Variants in GPR55 observed in about 807,000 individuals in gnomAD.
GPR55 encodes the protein G-protein coupled receptor 55.
A neutral mutation model predicts 7.9 loss-of-function variants in GPR55; 6 were observed. The observed-to-expected ratio is 0.76, with a 90% CI of 0.41 to 1.49. The LOEUF (loss-of-function observed/expected upper bound fraction) is 1.49. Ranked by LOEUF, GPR55 falls within the 40% of genes most tolerant of loss-of-function variation. The probability of loss-of-function intolerance (pLI) is 0.01; values close to 1 mark genes in which losing one functional copy is unlikely to be tolerated. For synonymous variants in GPR55, 183 were observed against 166.8 expected (o/e 1.10, Z -0.75); for missense variants, 376 against 406.0 (o/e 0.93, Z 0.63).
intron 1 of GPR55, among the ~76,000 whole-genome samples, chr2:230,937,571 C>T (rs1691151113): frequency 6.6e-6 from 1 of 151,376 alleles, no homozygotes; most frequent in Non-Finnish European, 1.5e-5. Context: ...AATTGCCTTG[C>T]CGAGAGAGCT....
rs528182559 is a variant in GPR55 at position 230,925,241 on chromosome 2, C to A, written c.-208G>T. 1 of 152,844 alleles carries A rather than the reference C, an allele frequency of 6.5e-6. No individual in the cohort carries two copies. Among genetic ancestry groups the A allele is most frequent in the South Asian group, 2.1e-4 (1 of 4,826 alleles). The allele number at this position is 152,844 out of a possible 1,614,324, so 9.5% of individuals were successfully genotyped here. A position where few individuals can be genotyped will look rare whatever the true frequency, so the allele number is the denominator to read the frequency against. On this transcript the variant is annotated 5_prime_UTR_variant, in exon 1 of 2. Coordinates refer to ENST00000650999, the MANE Select transcript of GPR55 (RefSeq NM_005683.4). ...CTCCAGGCCTGGCTGTCAGCCTGTTCTGGGGAGAGTCACTTCCCCTCTCTG... is the reference window on the plus strand; with the variant it reads ...CTCCAGGCCTGGCTGTCAGCCTGTTATGGGGAGAGTCACTTCCCCTCTCTG...
chr2:230,932,122 G>A (rs1302714203), intron 1 of GPR55, among the ~76,000 whole-genome samples: 1 of 152,162 alleles, frequency 6.6e-6, no homozygotes, highest in Non-Finnish European at 1.5e-5. Context: ...AACCAGCCGC[G>A]GTCTGCACCC....
At chr2:230,948,575 C>T (rs1691353303) in intron 1 of GPR55, among the ~76,000 whole-genome samples, 1 of 152,216 alleles carries the variant, frequency 6.6e-6, no homozygotes, top group Admixed American at 6.5e-5. Flanking sequence ...ATGACATTGG[C>T]AGGCATGGTG....
intron 1 of GPR55, among the ~76,000 whole-genome samples, chr2:230,945,350 T>C (rs533051454): frequency 6.9e-6 from 1 of 144,532 alleles, no homozygotes; most frequent in South Asian, 2.2e-4. Flanking sequence ...ATTCCAATTA[T>C]TTGCTGTGCA....
At chr2:230,918,447 G>T (rs1246657380) in intron 1 of GPR55, among the ~76,000 whole-genome samples, 21 of 152,086 alleles carry the variant, frequency 1.4e-4, no homozygotes, top group Non-Finnish European at 1.5e-5. Flanking sequence ...AACCATAAAA[G>T]AAACAGAATA....
At chr2:230,911,298 C>T (rs1690586684) in intron 1 of GPR55, among the ~76,000 whole-genome samples, 1 of 152,232 alleles carries the variant, frequency 6.6e-6, no homozygotes, top group Non-Finnish European at 1.5e-5. Flanking sequence ...AGTAACAGCA[C>T]ATACCCAGAC....
upstream of GPR55, among the ~76,000 whole-genome samples, chr2:230,928,198 C>T (rs1277828544): frequency 6.6e-6 from 1 of 152,188 alleles, no homozygotes; most frequent in Admixed American, 6.5e-5. Flanking sequence ...GGAACACACG[C>T]TTGGCACAGG....
chr2:230,945,774 G>A (rs911899273), intron 1 of GPR55, among the ~76,000 whole-genome samples: 39 of 152,102 alleles, frequency 2.6e-4, no homozygotes, highest in Non-Finnish European at 2.1e-4. Flanking sequence ...GGGTTTCACC[G>A]TGTTAGCCAG....
intron 1 of GPR55, among the ~76,000 whole-genome samples, chr2:230,935,253 G>A (rs1691115270): frequency 1.3e-5 from 2 of 152,168 alleles, no homozygotes; most frequent in Admixed American, 1.3e-4. Flanking sequence ...GTTACACAGA[G>A]GCAGGCACGT....
intron 1 of GPR55, among the ~76,000 whole-genome samples, chr2:230,915,117 C>G (rs574484631): frequency 6.6e-6 from 1 of 152,370 alleles, no homozygotes; most frequent in Non-Finnish European, 1.5e-5. Context: ...AGTTCAGGCA[C>G]TGGCTAGGAG....
At chr2:230,940,446 C>T (rs1051856194) in intron 1 of GPR55, among the ~76,000 whole-genome samples, 1 of 152,180 alleles carries the variant, frequency 6.6e-6, no homozygotes, top group Admixed American at 6.5e-5. Flanking sequence ...GAAGGTGTCT[C>T]CAGAGCATGA....
intron 1 of GPR55, among the ~76,000 whole-genome samples, chr2:230,935,194 C>T (rs909606326): frequency 2.0e-5 from 3 of 152,078 alleles, no homozygotes; most frequent in Admixed American, 6.5e-5. Context: ...GACAAAGCGG[C>T]GGTGTTTTAG....
chr2:230,911,524 C>T (rs778086511), intron 1 of GPR55, among the ~76,000 whole-genome samples: 13 of 152,196 alleles, frequency 8.5e-5, no homozygotes, highest in Non-Finnish European at 1.8e-4. Context: ...TTGCATTCCC[C>T]TGGACACAGT....
chr2:230,915,434 A>G lies in GPR55; in HGVS notation c.-134-4338T>C, dbSNP rs541000705. Among the ~76,000 whole-genome samples the G allele has an allele frequency of 2.1e-4, 32 of 152,336 alleles. No homozygotes were observed. In the South Asian group the frequency reaches 6.4e-3, roughly 31 times the overall value. On this transcript the variant is annotated intron_variant, in intron 1 of 1. Transcript: ENST00000650999. ...GCCTCCTAGGGGACTGGAATGGGGC[A>G]GTCCCAGCCTCCTCCAGAAGGAAGT... is the stretch of plus-strand genomic sequence containing the variant.
intron 1 of GPR55, among the ~76,000 whole-genome samples, chr2:230,951,461 T>C (rs1398993696): frequency 1.3e-5 from 2 of 152,112 alleles, no homozygotes; most frequent in African/African-American, 4.8e-5. Flanking sequence ...AAAATGAGAT[T>C]TTTTCATACC....
intron 1 of GPR55, among the ~76,000 whole-genome samples, chr2:230,952,225 G>A (rs1216316989): frequency 6.6e-6 from 1 of 152,148 alleles, no homozygotes; most frequent in Non-Finnish European, 1.5e-5. Flanking sequence ...GGCGCAGCTT[G>A]TGTGCCAGGA....
upstream of GPR55, among the ~76,000 whole-genome samples, chr2:230,925,909 C>T (rs1690933974): frequency 1.3e-5 from 2 of 152,080 alleles, no homozygotes; most frequent in Admixed American, 6.6e-5. Context: ...TGGCATCTCC[C>T]ACCTTCAGGG....
intron 1 of GPR55, among the ~76,000 whole-genome samples, chr2:230,945,518 A>G (rs753237149): frequency 4.6e-4 from 70 of 152,192 alleles, no homozygotes; most frequent in Non-Finnish European, 8.5e-4. Flanking sequence ...TTTTGACACA[A>G]TGGAGGAATC....
intron 1 of GPR55, among the ~76,000 whole-genome samples, chr2:230,945,533 T>C (rs1187038823): frequency 6.6e-6 from 1 of 152,214 alleles, no homozygotes; most frequent in Non-Finnish European, 1.5e-5. Flanking sequence ...GGAATCTGAA[T>C]ATGGATTTCG....
Sources: allele counts gnomAD v4.1 joint callset (sites outside exome capture counted in the v4.1 genomes callset), GRCh38; gene constraint gnomAD v4.1.1; transcripts MANE v1.5; gene names NCBI Gene and HGNC (gene_info 2026-07-23, HGNC 2026-07-21).